TAF1: variants seen among roughly 807,000 people sequenced by gnomAD.
The protein encoded by TAF1 is TATA-box binding protein associated factor 1, also known as transcription initiation factor TFIID subunit 1.
In TAF1, 2 loss-of-function variants were observed where a neutral mutation model predicts 138.5. That is an observed-to-expected ratio of 0.01 (90% CI 0.01 to 0.05). The LOEUF (loss-of-function observed/expected upper bound fraction) is 0.05. Among genes scored for constraint, TAF1 ranks in the 10% least tolerant of loss-of-function variants. TAF1 has a pLI of 1.00. For synonymous variants in TAF1, 437 were observed against 503.2 expected (o/e 0.87, Z 1.76); for missense variants, 709 against 1,478.0 (o/e 0.48, Z 8.53).
chrX:71,372,432 C>CAA (rs41384445), intron 3 of TAF1, among the ~76,000 whole-genome samples: 5 of 28,544 alleles, frequency 1.8e-4, no homozygotes, highest in African/African-American at 7.7e-4. Context: ...AACTCTGCCT[C>CAA]AAAAAAAAAA....
intron 6 of TAF1, 39 bp downstream of exon 6, chrX:71,377,860 G>C: frequency 1.8e-5 from 20 of 1,116,280 alleles, no homozygotes; most frequent in Non-Finnish European, 2.2e-5. Flanking sequence ...GCCTATGAGA[G>C]GAACAAATGA....
exon 14 of TAF1, chrX:71,528,615 G>A (rs924390401): frequency 1.2e-4 from 41 of 329,583 alleles, no homozygotes; most frequent in Non-Finnish European, 1.9e-4. Flanking sequence ...TGCTCTACCC[G>A]ATTCTCAGCT....
At position 71,434,938 on chromosome X, in the gene TAF1, T is replaced by C. The variant is rs773529281; in HGVS notation, c.4753+10700T>C. 2.7e-5 allele frequency among the ~76,000 whole-genome samples: 3 copies of C among 112,635 alleles called. No individual in the cohort carries two copies. The South Asian group carries it at 1.1e-3, about 41-fold the overall frequency. On this transcript the variant is annotated intron_variant, in intron 32 of 37. Coordinates refer to ENST00000423759, the MANE Select transcript of TAF1 (RefSeq NM_004606.5). The stretch of plus-strand genomic sequence containing the variant: ...GGCAGAGGCCTTACTACTTAATGTT[T>C]AGTTAAATTTGAAATGAGCTACACA...
intron 32 of TAF1, among the ~76,000 whole-genome samples, chrX:71,440,489 C>T (rs144943423): frequency 0.01 from 1,101 of 109,117 alleles, 9 homozygotes; most frequent in African/African-American, 0.034. Flanking sequence ...TTACAAGACA[C>T]GGCACTATTT....
chrX:71,393,050 A>C, intron 20 of TAF1, 56 bp downstream of exon 20: 1 of 1,184,680 alleles, frequency 8.4e-7, no homozygotes, highest in East Asian at 3.0e-5. Context: ...TAGAGTTGGA[A>C]TTGCTAGGAG....
At chrX:71,502,586 A>C (rs1049089999) in intron 13 of TAF1, among the ~76,000 whole-genome samples, 2 of 112,878 alleles carry the variant, frequency 1.8e-5, no homozygotes, top group Non-Finnish European at 3.7e-5. Flanking sequence ...CATTACTTTT[A>C]ATTTTTTGCT....
intron 13 of TAF1, among the ~76,000 whole-genome samples, chrX:71,483,776 C>A (rs200888035): frequency 0.096 from 5,957 of 61,800 alleles, 293 homozygotes; most frequent in African/African-American, 0.11. Flanking sequence ...CTCTCTCTCT[C>A]TCTCTATATA....
intron 20 of TAF1, 77 bp from the exon 21 acceptor site, chrX:71,393,224 T>TTGTGTGTGTGTGGGTG (rs878930745): frequency 1.3e-6 from 1 of 766,276 alleles, no homozygotes; most frequent in African/African-American, 2.5e-5. Context: ...CCTGAATGAT[T>TTGTGTGTGTGTGGGTG]TGTGTGTGTG....
intron 13 of TAF1, among the ~76,000 whole-genome samples, chrX:71,488,168 C>T (rs1200079418): frequency 9.1e-6 from 1 of 110,165 alleles, no homozygotes; most frequent in Non-Finnish European, 1.9e-5. Context: ...CTATTCTGGT[C>T]CCTGTGTGAT....
intron 32 of TAF1, among the ~76,000 whole-genome samples, chrX:71,435,178 G>A (rs1226574364): frequency 8.9e-6 from 1 of 112,071 alleles, no homozygotes; most frequent in Non-Finnish European, 1.9e-5. Flanking sequence ...CATGAAACCT[G>A]AGAGCCCGAA....
At chrX:71,420,224 C>T in intron 28 of TAF1, 1 of 760,804 alleles carries the variant, frequency 1.3e-6, no homozygotes, top group South Asian at 2.1e-5. Context: ...CTGGAAAACC[C>T]CGATCTGTTG....
At chrX:71,435,983 C>T (rs1317969759) in intron 32 of TAF1, among the ~76,000 whole-genome samples, 2 of 108,594 alleles carry the variant, frequency 1.8e-5, no homozygotes, top group Admixed American at 1.0e-4. Flanking sequence ...GCCAAAGTGC[C>T]CAAGTCCCAT....
intron 32 of TAF1, among the ~76,000 whole-genome samples, chrX:71,425,924 A>G (rs758410120): frequency 4.8e-4 from 53 of 111,169 alleles, no homozygotes; most frequent in African/African-American, 1.6e-3. Flanking sequence ...CTTAAATTTT[A>G]TTACTATAAG....
intron 34 of TAF1, among the ~76,000 whole-genome samples, chrX:71,457,486 A>G: frequency 8.9e-6 from 1 of 112,252 alleles, no homozygotes; most frequent in Middle Eastern, 4.6e-3. Flanking sequence ...TGAGCACTTT[A>G]TCTAGTCCTT....
chrX:71,475,556 G>T (rs1194941591), intron 13 of TAF1, among the ~76,000 whole-genome samples: 1 of 100,972 alleles, frequency 9.9e-6, no homozygotes, highest in Non-Finnish European at 2.0e-5. Context: ...CTGCACTCCA[G>T]CCTGGGTGAC....
At chrX:71,397,028 CAAAAAAA>C (rs745812030) in intron 22 of TAF1, among the ~76,000 whole-genome samples, 9 of 30,177 alleles carry the variant, frequency 3.0e-4, no homozygotes, top group African/African-American at 1.0e-3. Context: ...GATCCTGTCT[CAAAAAAA>C]AAAAAAAAAA....
At chrX:71,501,477 A>G (rs1255789350) in intron 13 of TAF1, among the ~76,000 whole-genome samples, 1 of 111,148 alleles carries the variant, frequency 9.0e-6, no homozygotes, top group Non-Finnish European at 1.9e-5. Flanking sequence ...GGCAGGAGGA[A>G]GTTTGTCTGA....
At chrX:71,452,687 C>T (rs1317456737) in intron 32 of TAF1, among the ~76,000 whole-genome samples, 1 of 112,103 alleles carries the variant, frequency 8.9e-6, no homozygotes, top group Non-Finnish European at 1.9e-5. Context: ...GCAATCTTGG[C>T]ACTTTGGGGG....
At chrX:71,518,012 A>G (rs1258493684) in intron 13 of TAF1, among the ~76,000 whole-genome samples, 2 of 110,294 alleles carry the variant, frequency 1.8e-5, no homozygotes, top group Admixed American at 1.9e-4. Context: ...GCACCTTGGG[A>G]GGCTGAGGCA....
Sources: gnomAD v4.1 joint callset for allele counts (sites outside exome capture counted in the v4.1 genomes callset) on GRCh38, gnomAD v4.1.1 for gene constraint, MANE v1.5 for transcripts, NCBI Gene and HGNC (gene_info 2026-07-23, HGNC 2026-07-21) for gene names.